JAKMIP1: variants seen among roughly 807,000 people sequenced by gnomAD.
The protein encoded by JAKMIP1 is janus kinase and microtubule-interacting protein 1.
A neutral mutation model predicts 113.0 loss-of-function variants in JAKMIP1; 33 were observed. The observed-to-expected ratio is 0.29, with a 90% CI of 0.22 to 0.39. JAKMIP1 has a LOEUF of 0.39. Among genes scored for constraint, JAKMIP1 ranks in the 10% least tolerant of loss-of-function variants. The pLI, the probability that JAKMIP1 is intolerant of heterozygous loss-of-function variation, is 1.00. For synonymous variants in JAKMIP1, 480 were observed against 459.9 expected (o/e 1.04, Z -0.56); for missense variants, 813 against 1,080.5 (o/e 0.75, Z 3.47).
chr4:6,057,394 C>G (rs1458866590), intron 11 of JAKMIP1, among the ~76,000 whole-genome samples: 1 of 152,210 alleles, frequency 6.6e-6, no homozygotes, highest in Non-Finnish European at 1.5e-5. Context: ...TGGGCTGAGG[C>G]CCCTCCCAAG....
intron 20 of JAKMIP1, among the ~76,000 whole-genome samples, chr4:6,029,172 T>C (rs1362221599): frequency 6.6e-6 from 1 of 152,194 alleles, no homozygotes; most frequent in Non-Finnish European, 1.5e-5. Context: ...GGTGTCCTAA[T>C]CTATCTCTGC....
intron 1 of JAKMIP1, among the ~76,000 whole-genome samples, chr4:6,198,699 C>G (rs1728103995): frequency 6.6e-6 from 1 of 152,236 alleles, no homozygotes. Context: ...ACATCAGTCT[C>G]TGCAGAGCTG....
rs138126024 is a variant in JAKMIP1 at position 6,175,309 on chromosome 4, T to C, written c.-148+24944A>G. ...GTGAGCTCCAAATGGGGTCCCTTCA[T>C]TCCGCAATAAAAAGTAAAATGTTTC... is the stretch of plus-strand genomic sequence containing the variant. On this transcript the variant is annotated intron_variant, in intron 1 of 20. Coordinates refer to ENST00000409021, the MANE Select transcript of JAKMIP1 (RefSeq NM_001099433.2). Among the ~76,000 whole-genome samples the C allele has an allele frequency of 7.9e-5, 12 of 152,290 alleles. No individual in the cohort carries two copies. The East Asian group carries it at 2.1e-3, about 27-fold the overall frequency.
At position 6,085,425 on chromosome 4, in the gene JAKMIP1, C is replaced by T. The variant is rs531474378; in HGVS notation, c.829G>A (p.Val277Ile). ...CACAAGCTGCTGCCCCTCACCTGGA[C>T]GCCCATGAGCTCCACCATGTCCCCG... Reference protein sequence around the residue: ...GIGDMVELMGVQDQHMDERDV... With the variant: ...GIGDMVELMGIQDQHMDERDV... Residue 277 changes from valine to isoleucine, a missense_variant, in exon 4 of 21, where the codon GTC (valine) becomes ATC (isoleucine). Coordinates refer to ENST00000409021, the MANE Select transcript of JAKMIP1 (RefSeq NM_001099433.2). 59 of 1,612,548 alleles carry T rather than the reference C, an allele frequency of 3.7e-5. No homozygotes were observed. Among genetic ancestry groups the T allele is most frequent in the East Asian group, 1.1e-4 (5 of 44,884 alleles).
At chr4:6,027,634 C>A (rs1459355567) in intron 20 of JAKMIP1, among the ~76,000 whole-genome samples, 1 of 152,182 alleles carries the variant, frequency 6.6e-6, no homozygotes, top group Non-Finnish European at 1.5e-5. Flanking sequence ...CTGGCCAGTT[C>A]CTCCTGCTCT....
At chr4:6,101,292 GTTT>G (rs914785157) in intron 3 of JAKMIP1, among the ~76,000 whole-genome samples, 1 of 150,428 alleles carries the variant, frequency 6.6e-6, no homozygotes, top group Non-Finnish European at 1.5e-5. Flanking sequence ...TGTATTTCCT[GTTT>G]TTTTTTCTTA....
intron 1 of JAKMIP1, among the ~76,000 whole-genome samples, chr4:6,132,565 C>A (rs1370961355): frequency 6.6e-6 from 1 of 150,928 alleles, no homozygotes; most frequent in Admixed American, 6.6e-5. Flanking sequence ...TCGCTTGAAT[C>A]TGGGATGTGG....
At chr4:6,045,655 T>C (rs1714888879) in intron 16 of JAKMIP1, among the ~76,000 whole-genome samples, 1 of 152,152 alleles carries the variant, frequency 6.6e-6, no homozygotes, top group Admixed American at 6.5e-5. Flanking sequence ...GGTAGATCAC[T>C]TGAGGTCAGG....
chr4:6,189,862 G>A (rs910722465), intron 1 of JAKMIP1, among the ~76,000 whole-genome samples: 1 of 152,226 alleles, frequency 6.6e-6, no homozygotes, highest in African/African-American at 2.4e-5. Context: ...AACAGCATGT[G>A]CAAAGGCCTG....
chr4:6,081,078 G>A lies in JAKMIP1; in HGVS notation c.1101+531C>T, dbSNP rs146263724. ...TGACAGAGCCTCCGTCTTCCCGGCTGTGAAGTGGGGGTTGATACTACTCTG... is the reference window on the plus strand; with the variant it reads ...TGACAGAGCCTCCGTCTTCCCGGCTATGAAGTGGGGGTTGATACTACTCTG... On this transcript the variant is annotated intron_variant, in intron 6 of 20. Coordinates refer to ENST00000409021, the MANE Select transcript of JAKMIP1 (RefSeq NM_001099433.2). The surrounding 1 kb of genome is among the most constrained non-coding windows in gnomAD (Gnocchi z 4.6). Among the ~76,000 whole-genome samples, 2 of 151,958 alleles carry A rather than the reference G, an allele frequency of 1.3e-5. No individual in the cohort carries two copies. Among genetic ancestry groups the A allele is most frequent in the Admixed American group, 6.5e-5 (1 of 15,270 alleles).
intron 19 of JAKMIP1, 63 bp downstream of exon 19, chr4:6,035,841 A>G: frequency 7.2e-7 from 1 of 1,396,922 alleles, no homozygotes; most frequent in Non-Finnish European, 9.7e-7. Flanking sequence ...TCAGGGTGCC[A>G]AGGTGCACAC....
In JAKMIP1 at chr4:6,143,087, G is replaced by A. The variant is rs554182042; in HGVS notation, c.-147-30090C>T. ...GCTCTGCCTCACTGTGTGACTTTGA[G>A]CAAGTTTCTCAGCCTCTCTGAGCCT... On this transcript the variant is annotated intron_variant, in intron 1 of 20. Transcript: ENST00000409021. This position sits in a 1 kb window ranked among gnomAD's most constrained non-coding sequence, Gnocchi z 4.9. Among the ~76,000 whole-genome samples, 1 of 152,268 alleles carries A rather than the reference G, an allele frequency of 6.6e-6. No homozygotes were observed. The highest frequency in any genetic ancestry group is 1.9e-4 in the East Asian group (1 of 5,178).
chr4:6,049,827 C>T lies in JAKMIP1; in HGVS notation c.1954G>A (p.Asp652Asn), dbSNP rs1274174883. ...CGATCGCTCATAGTTACCCCGTTATCGCCAAGGATATCTAATTTCTTCATA... is the reference window on the plus strand; with the variant it reads ...CGATCGCTCATAGTTACCCCGTTATTGCCAAGGATATCTAATTTCTTCATA... ...ELMKKLDILG[D>N]NGNLRNEEQV... is the part of the protein sequence containing the mutation. Residue 652 changes from aspartate (D) to asparagine (N), a missense_variant, in exon 15 of 21, where the codon GAT becomes AAT. Coordinates refer to ENST00000409021, the MANE Select transcript of JAKMIP1 (RefSeq NM_001099433.2). This position sits in a 1 kb window ranked among gnomAD's most constrained non-coding sequence, Gnocchi z 7.0. 2 of 1,611,492 alleles carry T rather than the reference C, an allele frequency of 1.2e-6. No individual in the cohort carries two copies. The highest frequency in any genetic ancestry group is 1.1e-5 in the South Asian group (1 of 90,974).
chr4:6,029,686 C>A, intron 20 of JAKMIP1, 30 bp downstream of exon 20: 1 of 1,495,190 alleles, frequency 6.7e-7, no homozygotes, highest in South Asian at 1.2e-5. Context: ...GGAAAGAAAC[C>A]TGGGGACAGT....
chr4:6,036,113 G>A lies in JAKMIP1; in HGVS notation c.2176-6C>T. On this transcript the variant is annotated splice_polypyrimidine_tract_variant and splice_region_variant and intron_variant, in intron 18 of 20. Coordinates refer to ENST00000409021, the MANE Select transcript of JAKMIP1 (RefSeq NM_001099433.2). ...GCCTCCAGGTCTTGGATTTTCTGAG[G>A]ACCCCAGATCACACAGACAGAGGAA... is the stretch of plus-strand genomic sequence containing the variant. The A allele has an allele frequency of 6.5e-7, 1 of 1,544,780 alleles. No individual in the cohort carries two copies. The highest frequency in any genetic ancestry group is 8.8e-7 in the Non-Finnish European group (1 of 1,141,180).
In JAKMIP1 at chr4:6,178,931, G is replaced by A. The variant is rs1014216825; in HGVS notation, c.-148+21322C>T. 6.6e-6 allele frequency among the ~76,000 whole-genome samples: 1 copy of A among 152,146 alleles called. No homozygotes were observed. The highest frequency in any genetic ancestry group is 1.5e-5 in the Non-Finnish European group (1 of 68,030). On this transcript the variant is annotated intron_variant, in intron 1 of 20. Transcript: ENST00000409021. This position sits in a 1 kb window ranked among gnomAD's most constrained non-coding sequence, Gnocchi z 5.5. ...CTGCCCCGGCACAGTGCCTGGCTCG[G>A]AGAGCACACTCGGTCATTCATTTAT...
At position 6,085,735 on chromosome 4, in the gene JAKMIP1, G is replaced by A. The variant is rs139918141; in HGVS notation, c.625-106C>T. The A allele has an allele frequency of 3.7e-4, 370 of 987,974 alleles. 1 individual carries two copies. Among genetic ancestry groups the A allele is most frequent in the South Asian group, 5.2e-4 (35 of 67,000 alleles). The allele number at this position is 987,974 out of a possible 1,614,324, so 61.2% of individuals were successfully genotyped here. On this transcript the variant is annotated intron_variant, in intron 3 of 20. Coordinates refer to ENST00000409021, the MANE Select transcript of JAKMIP1 (RefSeq NM_001099433.2). ...CAGGGAAAGGTCAAAGCAGTGTCTC[G>A]GGCCTGGGTCAACTGAATTCAGTAA...
intron 1 of JAKMIP1, among the ~76,000 whole-genome samples, chr4:6,149,798 G>C (rs11940644): frequency 0.13 from 20,157 of 151,882 alleles, 1,458 homozygotes; most frequent in African/African-American, 0.2. Context: ...GAGGCCTAAC[G>C]CTTCTCGCCC....
In JAKMIP1 at chr4:6,154,085, G is replaced by A. The variant is rs544254094; in HGVS notation, c.-147-41088C>T. ...GCCCCCAGACCATGCCTGGCTGACT[G>A]CATCCTGCTGCCTATGGTGAGAAGG... On this transcript the variant is annotated intron_variant, in intron 1 of 20. Coordinates refer to ENST00000409021, the MANE Select transcript of JAKMIP1 (RefSeq NM_001099433.2). This position sits in a 1 kb window ranked among gnomAD's most constrained non-coding sequence, Gnocchi z 4.2. 6.6e-6 allele frequency among the ~76,000 whole-genome samples: 1 copy of A among 152,176 alleles called. No individual in the cohort carries two copies. Among genetic ancestry groups the A allele is most frequent in the African/African-American group, 2.4e-5 (1 of 41,426 alleles).
Sources: gnomAD v4.1 joint callset for allele counts (sites outside exome capture counted in the v4.1 genomes callset) on GRCh38, gnomAD v4.1.1 for gene constraint, Gnocchi (gnomAD v3.1) non-coding constraint, MANE v1.5 for transcripts, NCBI Gene and HGNC (gene_info 2026-07-23, HGNC 2026-07-21) for gene names.